Variants in B4GALT6 observed in about 807,000 individuals in gnomAD.
B4GALT6 encodes the protein beta-1,4-galactosyltransferase 6.
In B4GALT6, 14 loss-of-function variants were observed where a neutral mutation model predicts 46.3. The ratio of observed to expected loss-of-function variants is 0.30; its 90% CI spans 0.20 to 0.47. B4GALT6 has a LOEUF of 0.47. Ranked by LOEUF, B4GALT6 falls within the 20% of genes least tolerant of loss-of-function variation. The pLI is 0.99. For missense variants in B4GALT6, 386 were observed against 480.1 expected (o/e 0.80, Z 1.83); for synonymous variants, 168 against 162.0 (o/e 1.04, Z -0.28).
the B4GALT6 span, among the ~76,000 whole-genome samples, chr18:31,721,585 C>T: frequency 3.3e-5 from 5 of 152,204 alleles, no homozygotes; most frequent in Non-Finnish European, 7.3e-5. Flanking sequence ...GCAGTTGACG[C>T]TAAGTAAAGC....
intron 5 of B4GALT6, among the ~76,000 whole-genome samples, chr18:31,635,057 C>A (rs1338825477): frequency 6.6e-6 from 1 of 151,966 alleles, no homozygotes; most frequent in African/African-American, 2.4e-5. Context: ...CCTGGCCAAC[C>A]CTGTCTCTAC....
intron 1 of B4GALT6, among the ~76,000 whole-genome samples, chr18:31,680,751 C>G (rs2074470759): frequency 6.6e-6 from 1 of 152,180 alleles, no homozygotes; most frequent in South Asian, 2.1e-4. Flanking sequence ...GAACAAAGAC[C>G]AGTCTCTCTC....
At chr18:31,701,646 TA>T in the B4GALT6 span, among the ~76,000 whole-genome samples, 1 of 152,140 alleles carries the variant, frequency 6.6e-6, no homozygotes, top group East Asian at 1.9e-4. Context: ...CGTAAAAATG[TA>T]AAAAGTAAAA....
intron 5 of B4GALT6, 106 bp from the exon 6 acceptor site, chr18:31,631,252 C>T: frequency 8.7e-7 from 1 of 1,145,080 alleles, no homozygotes; most frequent in South Asian, 1.8e-5. Context: ...TGGGGTTTCA[C>T]CATGTTGGCC....
At chr18:31,716,705 T>C in the B4GALT6 span, among the ~76,000 whole-genome samples, 1 of 152,166 alleles carries the variant, frequency 6.6e-6, no homozygotes, top group Admixed American at 6.5e-5. Flanking sequence ...CATAAGCTCT[T>C]TGCTGTTGAG....
At chr18:31,690,810 C>G (rs1373555415), upstream of B4GALT6, among the ~76,000 whole-genome samples, 1 of 152,152 alleles carries the variant, frequency 6.6e-6, no homozygotes, top group Non-Finnish European at 1.5e-5. Context: ...TTTCTTACTA[C>G]ATAGCCATAA....
At chr18:31,724,056 G>T in the B4GALT6 span, 12 of 319,792 alleles carry the variant, frequency 3.8e-5, no homozygotes, top group Non-Finnish European at 6.1e-5. Context: ...TGTTCCGGCC[G>T]GGCAGGGCGG....
At chr18:31,671,107 T>C (rs765414816) in intron 1 of B4GALT6, among the ~76,000 whole-genome samples, 17 of 152,336 alleles carry the variant, frequency 1.1e-4, no homozygotes, top group Admixed American at 5.9e-4. Flanking sequence ...CATAATTCCA[T>C]GGTGTGTATG....
At chr18:31,693,753 A>C in the B4GALT6 span, among the ~76,000 whole-genome samples, 1 of 152,166 alleles carries the variant, frequency 6.6e-6, no homozygotes, top group Non-Finnish European at 1.5e-5. Flanking sequence ...GGATTGCTTG[A>C]GCCCAGGAGT....
chr18:31,719,521 C>T, the B4GALT6 span, among the ~76,000 whole-genome samples: 2 of 152,188 alleles, frequency 1.3e-5, no homozygotes, highest in Middle Eastern at 3.2e-3. Context: ...ATGGTATAAC[C>T]ACCCAATCTG....
the B4GALT6 span, among the ~76,000 whole-genome samples, chr18:31,717,588 A>G: frequency 6.6e-6 from 1 of 152,122 alleles, no homozygotes; most frequent in Admixed American, 6.5e-5. Context: ...ATTTATTGAC[A>G]TAGAAAGATG....
intron 1 of B4GALT6, among the ~76,000 whole-genome samples, chr18:31,671,655 G>C (rs1279952485): frequency 6.6e-6 from 1 of 152,178 alleles, no homozygotes; most frequent in Non-Finnish European, 1.5e-5. Flanking sequence ...CCGATGGATA[G>C]ATTGCAAAAA....
chr18:31,687,784 T>C (rs937512534), upstream of B4GALT6, among the ~76,000 whole-genome samples: 2 of 152,218 alleles, frequency 1.3e-5, no homozygotes, highest in Non-Finnish European at 2.9e-5. Flanking sequence ...AATTAAATCA[T>C]AATTAATGGT....
At chr18:31,665,056 T>C (rs1265745147) in intron 2 of B4GALT6, among the ~76,000 whole-genome samples, 2 of 152,238 alleles carry the variant, frequency 1.3e-5, no homozygotes, top group African/African-American at 4.8e-5. Context: ...CTTGAATTTT[T>C]AGAAGGGTCT....
chr18:31,640,664 TA>T (rs1375074042), intron 4 of B4GALT6, among the ~76,000 whole-genome samples: 1 of 152,216 alleles, frequency 6.6e-6, no homozygotes, highest in Non-Finnish European at 1.5e-5. Flanking sequence ...GGTTTCCCCA[TA>T]ACGTCTCTCT....
the B4GALT6 span, among the ~76,000 whole-genome samples, chr18:31,699,763 C>T: frequency 6.6e-6 from 1 of 151,436 alleles, no homozygotes; most frequent in African/African-American, 2.4e-5. Flanking sequence ...CGAACAAAGA[C>T]TGAACAATGA....
intron 3 of B4GALT6, among the ~76,000 whole-genome samples, chr18:31,657,676 TTTAAA>T (rs2074158076): frequency 6.6e-6 from 1 of 152,188 alleles, no homozygotes; most frequent in Non-Finnish European, 1.5e-5. Context: ...TAAGCACTGT[TTTAAA>T]AGAACTTGGA....
At chr18:31,682,661 G>A (rs1440103475) in intron 1 of B4GALT6, among the ~76,000 whole-genome samples, 2 of 152,078 alleles carry the variant, frequency 1.3e-5, no homozygotes, top group Non-Finnish European at 2.9e-5. Context: ...AGCTTTTTGA[G>A]TAATATAACT....
rs573605300 is a variant in B4GALT6, at chr18:31,638,953, G to A, written c.472-193C>T. The stretch of plus-strand genomic sequence containing the variant: ...TGCTGCTATGGTCTTATAAAGCTGA[G>A]AGGTAGAAGGGGCTCTGAAGCGTTT... On this transcript the variant is annotated intron_variant, in intron 4 of 8. Coordinates refer to ENST00000306851, the MANE Select transcript of B4GALT6 (RefSeq NM_004775.5). Among the ~76,000 whole-genome samples the A allele has an allele frequency of 2.0e-5, 3 of 152,322 alleles. No homozygotes were observed. In the South Asian group the frequency reaches 6.2e-4, roughly 32 times the overall value.
Sources: gnomAD v4.1 joint callset for allele counts (sites outside exome capture counted in the v4.1 genomes callset) on GRCh38, gnomAD v4.1.1 for gene constraint, MANE v1.5 for transcripts, NCBI Gene and HGNC (gene_info 2026-07-23, HGNC 2026-07-21) for gene names.